The following HERC2 variants were observed in gnomAD, a reference collection of about 807,000 sequenced individuals.
HERC2 encodes HECT and RLD domain containing E3 ubiquitin protein ligase 2, also known as E3 ubiquitin-protein ligase HERC2.
HERC2 carries 102 observed loss-of-function variants against 537.7 expected under a neutral mutation model. The ratio of observed to expected loss-of-function variants is 0.19; its 90% confidence interval spans 0.16 to 0.22. The LOEUF (loss-of-function observed/expected upper bound fraction) is 0.22, where lower values mean the gene tolerates loss of function less well. Among genes scored for constraint, HERC2 ranks in the 10% least tolerant of loss-of-function variants. The pLI is 1.00. For synonymous variants in HERC2, 2,224 were observed against 2,466.2 expected (o/e 0.90, Z 2.91); for missense variants, 4,236 against 6,198.2 (o/e 0.68, Z 10.63).
chr15:28,263,829 C>T (rs1207036822), intron 14 of HERC2, among the ~76,000 whole-genome samples: 1 of 151,704 alleles, frequency 6.6e-6, no homozygotes, highest in African/African-American at 2.4e-5. Context: ...CCCAGGAGTT[C>T]GAGACCAGCC....
intron 65 of HERC2, among the ~76,000 whole-genome samples, chr15:28,172,954 C>T (rs1894837963): frequency 6.6e-6 from 1 of 152,272 alleles, no homozygotes; most frequent in South Asian, 2.1e-4. Context: ...AAGACTTGAA[C>T]AGACATTCAC....
At chr15:28,315,334 T>TC (rs2077052444) in intron 2 of HERC2, among the ~76,000 whole-genome samples, 1 of 152,218 alleles carries the variant, frequency 6.6e-6, no homozygotes, top group South Asian at 2.1e-4. Context: ...GAAGCCATAC[T>TC]CCAACTCTCT....
chr15:28,124,251 G>A lies in HERC2; in HGVS notation c.12991-17C>T. On this transcript the variant is annotated splice_polypyrimidine_tract_variant and intron_variant, in intron 84 of 92. Transcript: ENST00000261609. ...CATGGGGACCTAGAACACAGAAATG[G>A]CCTTCAGCCCCTCAGGCACCAAAGG... The A allele has an allele frequency of 1.4e-6, 2 of 1,431,824 alleles. No individual in the cohort carries two copies. The highest frequency in any genetic ancestry group is 1.8e-6 in the Non-Finnish European group (2 of 1,084,426). 88.7% of individuals were successfully genotyped at this position (1,431,824 alleles called of 1,614,324 possible).
chr15:28,319,186 T>G (rs2141332260), intron 2 of HERC2, among the ~76,000 whole-genome samples: 1 of 152,358 alleles, frequency 6.6e-6, no homozygotes, highest in South Asian at 2.1e-4. Flanking sequence ...AAAACAAAGC[T>G]TAGCAATCAC....
chr15:28,162,781 CT>C (rs1893742541), intron 69 of HERC2, among the ~76,000 whole-genome samples: 1 of 152,132 alleles, frequency 6.6e-6, no homozygotes, highest in African/African-American at 2.4e-5. Context: ...GTCCCAGCTA[CT>C]TGGAAGGCTG....
chr15:28,210,606 T>C (rs1326476160), intron 44 of HERC2, among the ~76,000 whole-genome samples: 2 of 152,040 alleles, frequency 1.3e-5, no homozygotes, highest in South Asian at 4.2e-4. Flanking sequence ...CAGCAGCCTG[T>C]TCATGGAGTG....
At chr15:28,284,780 T>G (rs1354641358) in intron 4 of HERC2, among the ~76,000 whole-genome samples, 2 of 151,964 alleles carry the variant, frequency 1.3e-5, no homozygotes, top group Non-Finnish European at 2.9e-5. Context: ...CTAGGTGTGA[T>G]GGCAGATGCC....
At position 28,245,765 on chromosome 15, in the gene HERC2, A is replaced by G. The variant is rs952349230; in HGVS notation, c.3577+116T>C. 8.6e-6 allele frequency: 8 copies of G among 935,288 alleles called. No individual in the cohort carries two copies. In the African/African-American group the frequency reaches 9.9e-5, roughly 12 times the overall value. The allele number at this position is 935,288 out of a possible 1,614,324, so 57.9% of individuals were successfully genotyped here. On this transcript the variant is annotated intron_variant, in intron 23 of 92. Coordinates refer to ENST00000261609, the MANE Select transcript of HERC2 (RefSeq NM_004667.6). ...ATCTCCATTTTTTACTTATACTACC[A>G]TCAGTAGAAATGGCAAATCTTCCTT...
intron 7 of HERC2, 122 bp from the exon 8 acceptor site, chr15:28,273,126 G>T: frequency 1.4e-6 from 1 of 737,170 alleles, no homozygotes; most frequent in East Asian, 2.7e-5. Context: ...TAATATTTAG[G>T]ATCAAGTTTC....
chr15:28,313,200 T>C (rs2076992585), intron 2 of HERC2, among the ~76,000 whole-genome samples: 1 of 134,328 alleles, frequency 7.4e-6, no homozygotes, highest in Non-Finnish European at 1.6e-5. Context: ...GCATTTTTTT[T>C]TTTTTTTTTT....
intron 5 of HERC2, among the ~76,000 whole-genome samples, chr15:28,275,982 T>C (rs955449686): frequency 4.7e-5 from 7 of 150,464 alleles, no homozygotes; most frequent in Middle Eastern, 3.5e-3. Flanking sequence ...TGATACAGAG[T>C]TCAAGACCAG....
At chr15:28,206,663 C>T (rs990158573) in intron 44 of HERC2, among the ~76,000 whole-genome samples, 1 of 150,524 alleles carries the variant, frequency 6.6e-6, no homozygotes, top group Admixed American at 6.6e-5. Flanking sequence ...GAAACCCCAT[C>T]TCTACTAAAA....
At chr15:28,181,869 T>C (rs935357227) in intron 57 of HERC2, among the ~76,000 whole-genome samples, 1 of 152,232 alleles carries the variant, frequency 6.6e-6, no homozygotes, top group African/African-American at 2.4e-5. Flanking sequence ...ACAAGGTGAA[T>C]GAGATCATGG....
chr15:28,320,825 T>C (rs1318665933), intron 2 of HERC2, among the ~76,000 whole-genome samples: 2 of 152,066 alleles, frequency 1.3e-5, no homozygotes, highest in Non-Finnish European at 2.9e-5. Flanking sequence ...AAGGCCAACA[T>C]TGTTTCCTCA....
rs766641572 is a variant in HERC2, at chr15:28,220,438, C to T, written c.5845+14G>A. The T allele has an allele frequency of 1.7e-5, 27 of 1,606,334 alleles. No homozygotes were observed. In the South Asian group the frequency reaches 3.0e-4, roughly 18 times the overall value. The stretch of plus-strand genomic sequence containing the variant: ...TGGGCTGCCTTGGACTAAACACCTT[C>T]CTGAGTCACCCACCAGAGTCATCCT... On this transcript the variant is annotated intron_variant, in intron 37 of 92. Transcript: ENST00000261609.
Position 28,217,143 on chromosome 15 carries a change from CACCA to C in HERC2, c.6028+1342_6029-1342del, listed in dbSNP as rs143932926. ...CCACCCACTCATACTTCCTCACACT[CACCA>C]ACCCTCACTGACTTACACTGACTTA... On this transcript the variant is annotated intron_variant, in intron 38 of 92. Transcript: ENST00000261609. Among the ~76,000 whole-genome samples, 271 of 152,364 alleles carry C rather than the reference CACCA, an allele frequency of 1.8e-3. 2 individuals are homozygous for C. Among genetic ancestry groups the C allele is most frequent in the African/African-American group, 6.3e-3 (260 of 41,584 alleles).
intron 4 of HERC2, among the ~76,000 whole-genome samples, chr15:28,286,642 A>G (rs1037997065): frequency 2.0e-5 from 3 of 152,228 alleles, no homozygotes; most frequent in Non-Finnish European, 4.4e-5. Flanking sequence ...CAACACCTTA[A>G]GCTAAAACCT....
At chr15:28,153,956 ACC>A (rs1892725454) in intron 69 of HERC2, among the ~76,000 whole-genome samples, 1 of 152,030 alleles carries the variant, frequency 6.6e-6, no homozygotes, top group African/African-American at 2.4e-5. Flanking sequence ...GGGACCGCCG[ACC>A]CCAACACAGC....
Position 28,254,506 on chromosome 15 carries a change from T to G in HERC2, c.2884A>C (p.Lys962Gln), listed in dbSNP as rs2075190831. ...ITAEIQDIEA[K>Q]KEAQKEKEID... ...TCTTTTTCCTTCTGTGCTTCTTTTT[T>G]GGCTTCAATATCCTGTAATTCATAA... Residue 962 changes from lysine to glutamine, a missense_variant, in exon 20 of 93, where the codon AAA (lysine) becomes CAA (glutamine). Coordinates refer to ENST00000261609, the MANE Select transcript of HERC2 (RefSeq NM_004667.6). The G allele has an allele frequency of 6.3e-7, 1 of 1,593,446 alleles. No individual in the cohort carries two copies. The highest frequency in any genetic ancestry group is 1.9e-5 in the Admixed American group (1 of 53,528).
Sources: gnomAD v4.1 joint callset for allele counts (sites outside exome capture counted in the v4.1 genomes callset) on GRCh38, gnomAD v4.1.1 for gene constraint, MANE v1.5 for transcripts, NCBI Gene and HGNC (gene_info 2026-07-23, HGNC 2026-07-21) for gene names.